Variants in AHI1 observed in about 807,000 individuals in gnomAD.
AHI1 encodes the protein Abelson helper integration site 1.
Under a neutral mutation model 149.3 loss-of-function variants are expected in AHI1, and 123 were observed. That is an observed-to-expected ratio of 0.82 (90% CI 0.71 to 0.96). The LOEUF (loss-of-function observed/expected upper bound fraction) is 0.96, where lower values mean the gene tolerates loss of function less well. Among genes scored for constraint, AHI1 ranks in the 40% least tolerant of loss-of-function variants. The pLI, the probability that AHI1 is intolerant of heterozygous loss-of-function variation, is 0.00. For missense variants in AHI1, 1,439 were observed against 1,422.7 expected (o/e 1.01, Z -0.18); for synonymous variants, 475 against 459.8 (o/e 1.03, Z -0.42).
chr6:135,409,612 T>C (rs1044761774), intron 21 of AHI1, among the ~76,000 whole-genome samples: 1 of 152,214 alleles, frequency 6.6e-6, no homozygotes, highest in Non-Finnish European at 1.5e-5. Flanking sequence ...ATTATACTAC[T>C]AGTATTATTT....
intron 14 of AHI1, 75 bp from the exon 15 acceptor site, chr6:135,438,573 A>G (rs1482924967): frequency 2.5e-6 from 3 of 1,209,716 alleles, no homozygotes; most frequent in Non-Finnish European, 3.3e-6. Flanking sequence ...ATATAATTTA[A>G]TATTATTTAG....
intron 23 of AHI1, among the ~76,000 whole-genome samples, chr6:135,384,871 C>T (rs1777347274): frequency 6.6e-6 from 1 of 152,102 alleles, no homozygotes; most frequent in African/African-American, 2.4e-5. Context: ...GGCGGATCAC[C>T]TGAGGTCAGG....
intron 20 of AHI1, among the ~76,000 whole-genome samples, chr6:135,426,006 T>A (rs888266530): frequency 6.6e-6 from 1 of 151,854 alleles, no homozygotes; most frequent in Non-Finnish European, 1.5e-5. Flanking sequence ...ATTTCCTGTA[T>A]AACAGTTCCA....
chr6:135,427,910 G>C (rs1250330999), intron 19 of AHI1, among the ~76,000 whole-genome samples: 1 of 151,098 alleles, frequency 6.6e-6, no homozygotes, highest in Non-Finnish European at 1.5e-5. Context: ...CTGAATTGAT[G>C]CTAAAGCATC....
At chr6:135,395,664 AT>A (rs1779116347) in intron 22 of AHI1, among the ~76,000 whole-genome samples, 1 of 151,620 alleles carries the variant, frequency 6.6e-6, no homozygotes, top group Non-Finnish European at 1.5e-5. Flanking sequence ...CAGAAAAAAA[AT>A]CTATCTTTTT....
At chr6:135,401,430 C>G (rs1485485060) in intron 22 of AHI1, among the ~76,000 whole-genome samples, 2 of 152,098 alleles carry the variant, frequency 1.3e-5, no homozygotes, top group African/African-American at 2.4e-5. Context: ...AACAAGCGAG[C>G]CTTCAACAAT....
intron 26 of AHI1, among the ~76,000 whole-genome samples, chr6:135,308,266 TG>T (rs1784756375): frequency 6.6e-6 from 1 of 152,216 alleles, no homozygotes; most frequent in Non-Finnish European, 1.5e-5. Flanking sequence ...CACAGAGTCT[TG>T]ATCTGTTGCC....
chr6:135,294,163 A>G (rs1419442282), intron 27 of AHI1, among the ~76,000 whole-genome samples: 1 of 152,024 alleles, frequency 6.6e-6, no homozygotes, highest in Non-Finnish European at 1.5e-5. Flanking sequence ...CATCTCTACT[A>G]AAAATACAAT....
intron 23 of AHI1, among the ~76,000 whole-genome samples, chr6:135,361,085 C>T (rs1793790343): frequency 6.6e-6 from 1 of 152,182 alleles, no homozygotes; most frequent in South Asian, 2.1e-4. Context: ...TTTATGTCCT[C>T]TGATGGCTTT....
intron 21 of AHI1, among the ~76,000 whole-genome samples, chr6:135,409,700 T>TC (rs1483450072): frequency 6.6e-6 from 1 of 152,136 alleles, no homozygotes; most frequent in African/African-American, 2.4e-5. Flanking sequence ...AGTCTTTTTT[T>TC]CTCCCCCCCA....
intron 12 of AHI1, 105 bp downstream of exon 12, chr6:135,448,185 A>G (rs1449581840): frequency 2.7e-6 from 2 of 746,654 alleles, no homozygotes; most frequent in Non-Finnish European, 3.8e-6. Flanking sequence ...AAATCTATTA[A>G]AATTATTATT....
In AHI1 at chr6:135,312,287, C is replaced by T. The variant is rs372529270; in HGVS notation, c.3426+6232G>A. On this transcript the variant is annotated intron_variant, in intron 26 of 28. Transcript: ENST00000265602. ...CAGCAGTTTGGGAGGCTGAGGCAGG[C>T]GGATCATTTGAGGTCAGGAGTTCGA... Among the ~76,000 whole-genome samples, 15 of 151,820 alleles carry T rather than the reference C, an allele frequency of 9.9e-5. 1 individual carries two copies. In the East Asian group the frequency reaches 1.4e-3, roughly 14 times the overall value.
rs780397381 is a variant in AHI1, at chr6:135,359,764, G to C, written c.3110-1577C>G. Among the ~76,000 whole-genome samples the C allele has an allele frequency of 2.0e-5, 3 of 152,030 alleles. No individual in the cohort carries two copies. The South Asian group carries it at 6.2e-4, about 32-fold the overall frequency. On this transcript the variant is annotated intron_variant, in intron 23 of 28. Coordinates refer to ENST00000265602, the MANE Select transcript of AHI1 (RefSeq NM_001134831.2). ...ATCTGACTGTTATAAAATTGACCTA[G>C]GCTGATTACTGATTTTTAAATTCTT...
At chr6:135,429,825 T>C (rs1784396551) in intron 18 of AHI1, 57 bp downstream of exon 18, 1 of 1,045,428 alleles carries the variant, frequency 9.6e-7, no homozygotes, top group East Asian at 2.7e-5. Context: ...ATAAATATAA[T>C]TTAATTCATT....
intron 5 of AHI1, among the ~76,000 whole-genome samples, chr6:135,486,964 TTA>T (rs1402986923): frequency 1.3e-5 from 2 of 151,962 alleles, no homozygotes; most frequent in Admixed American, 6.6e-5. Flanking sequence ...CAGGATCTTA[TTA>T]TGTTGCCCAG....
At position 135,404,979 on chromosome 6, in the gene AHI1, TAAAAGA is replaced by T. The variant is rs1221539934; in HGVS notation, c.2962-8_2962-3del. The T allele has an allele frequency of 6.2e-7, 1 of 1,603,490 alleles. No homozygotes were observed. Among genetic ancestry groups the T allele is most frequent in the East Asian group, 2.2e-5 (1 of 44,692 alleles). On this transcript the variant is annotated splice_polypyrimidine_tract_variant and splice_region_variant and intron_variant, in intron 21 of 28. Coordinates refer to ENST00000265602, the MANE Select transcript of AHI1 (RefSeq NM_001134831.2). ...TGCAGCACAGGAACGTATCACCTCC[TAAAAGA>T]AATACAATAAAATAAGGAAGTATTC...
chr6:135,474,934 C>T (rs574883777), intron 5 of AHI1, among the ~76,000 whole-genome samples: 23 of 152,154 alleles, frequency 1.5e-4, no homozygotes, highest in Non-Finnish European at 2.5e-4. Flanking sequence ...AAGGAGTGGA[C>T]AAGGATCACC....
At chr6:135,486,748 C>T (rs924927436) in intron 5 of AHI1, among the ~76,000 whole-genome samples, 1 of 151,838 alleles carries the variant, frequency 6.6e-6, no homozygotes, top group Non-Finnish European at 1.5e-5. Context: ...AAGTAAAATA[C>T]CTGATATTTT....
chr6:135,463,153 T>A lies in AHI1; in HGVS notation c.903A>T (p.Pro301=). ...CTTTAGTCTTCTTTTTTGTTTTTTT[T>A]GGTTTAGGTTTTGTATCATCTTGCA... ...DSMQDDTKPK[P]KKTKKKTKAV... The change falls in exon 8 of 29, where the codon CCA becomes CCT. Residue 301 remains proline, a synonymous_variant. Transcript: ENST00000265602. The A allele has an allele frequency of 6.3e-7, 1 of 1,588,206 alleles. No individual in the cohort carries two copies. The highest frequency in any genetic ancestry group is 8.5e-7 in the Non-Finnish European group (1 of 1,170,070).
Sources: gnomAD v4.1 joint callset for allele counts (sites outside exome capture counted in the v4.1 genomes callset) on GRCh38, gnomAD v4.1.1 for gene constraint, MANE v1.5 for transcripts, NCBI Gene and HGNC (gene_info 2026-07-23, HGNC 2026-07-21) for gene names.